SSX2IP: variants seen among roughly 807,000 people sequenced by gnomAD.
The protein encoded by SSX2IP is SSX family member 2 interacting protein, also known as afadin- and alpha-actinin-binding protein.
A neutral mutation model predicts 84.9 loss-of-function variants in SSX2IP; 55 were observed. The observed-to-expected ratio is 0.65, with a 90% CI of 0.52 to 0.81. SSX2IP has a LOEUF of 0.81. Among genes scored for constraint, SSX2IP ranks in the 30% least tolerant of loss-of-function variants. The probability of loss-of-function intolerance (pLI) is 0.00; values close to 1 mark genes in which losing one functional copy is unlikely to be tolerated. For synonymous variants in SSX2IP, 239 were observed against 234.7 expected (o/e 1.02, Z -0.17); for missense variants, 664 against 705.2 (o/e 0.94, Z 0.66).
In SSX2IP at chr1:84,670,713, A is replaced by C. The variant is rs559787559; in HGVS notation, c.146T>G (p.Val49Gly). The change falls in exon 3 of 14, where the codon GTG becomes GGG. Residue 49 changes from valine (V) to glycine (G), a missense_variant. Physicochemically the swap from Val to Gly is moderately radical, Grantham distance 109. Transcript: ENST00000342203. ...GCAGAAGGCACTGAAAAAACTGTGC[A>C]CATTTTTCGATAAAGGTATTGAAGA... ...LCSSIPLSKN[V>G]HSFFSAFCTE... The C allele has an allele frequency of 1.2e-6, 2 of 1,613,118 alleles. No individual in the cohort carries two copies. Among genetic ancestry groups the C allele is most frequent in the African/African-American group, 1.3e-5 (1 of 74,910 alleles).
At chr1:84,664,652 G>C (rs1652508990) in intron 5 of SSX2IP, 100 bp from the exon 6 acceptor site, 1 of 1,025,364 alleles carries the variant, frequency 9.8e-7, no homozygotes, top group African/African-American at 1.7e-5. Flanking sequence ...TAAAATCCTA[G>C]GATGATTCTT....
At chr1:84,673,085 C>T (rs575331082) in intron 1 of SSX2IP, among the ~76,000 whole-genome samples, 3 of 152,248 alleles carry the variant, frequency 2.0e-5, no homozygotes, top group East Asian at 1.9e-4. Flanking sequence ...TGTGCTACTA[C>T]GTTTTCCTAG....
intron 11 of SSX2IP, among the ~76,000 whole-genome samples, chr1:84,653,383 C>T (rs1001113821): frequency 1.3e-5 from 2 of 152,136 alleles, no homozygotes; most frequent in Admixed American, 1.3e-4. Flanking sequence ...TATGTCAAAC[C>T]TCCCCCTTCT....
chr1:84,668,582 T>C (rs1653081308), intron 4 of SSX2IP, among the ~76,000 whole-genome samples: 1 of 152,178 alleles, frequency 6.6e-6, no homozygotes, highest in African/African-American at 2.4e-5. Context: ...CAGGTGCTCG[T>C]AAAGAGCAAA....
chr1:84,675,840 C>CA (rs143675599), intron 1 of SSX2IP, among the ~76,000 whole-genome samples: 2,236 of 152,284 alleles, frequency 0.015, 43 homozygotes, highest in African/African-American at 0.049. Flanking sequence ...TGCAACCTTT[C>CA]AACTCATCTA....
rs1651608068 is a variant in SSX2IP at position 84,659,524 on chromosome 1, G to A, written c.928-1056C>T. On this transcript the variant is annotated intron_variant, in intron 8 of 13. Transcript: ENST00000342203. ...GTTAGAAAAATTATTGGCCGGGCGCGGTGGCTCATGCCTGTATGTAATCCC... is the reference window on the plus strand; with the variant it reads ...GTTAGAAAAATTATTGGCCGGGCGCAGTGGCTCATGCCTGTATGTAATCCC... Among the ~76,000 whole-genome samples, 5 of 152,172 alleles carry A rather than the reference G, an allele frequency of 3.3e-5. No homozygotes were observed. In the South Asian group the frequency reaches 8.3e-4, roughly 25 times the overall value.
intron 8 of SSX2IP, among the ~76,000 whole-genome samples, chr1:84,661,706 T>C (rs758245270): frequency 9.9e-5 from 15 of 152,160 alleles, no homozygotes; most frequent in Non-Finnish European, 2.1e-4. Context: ...CTGTGAAAAG[T>C]AGAGTACATA....
chr1:84,657,451 A>G (rs757762101), intron 9 of SSX2IP, among the ~76,000 whole-genome samples: 6 of 152,214 alleles, frequency 3.9e-5, no homozygotes, highest in African/African-American at 4.8e-5. Flanking sequence ...CTATTATTTT[A>G]AAAATAATTT....
chr1:84,650,614 G>C, intron 12 of SSX2IP, 87 bp from the exon 13 acceptor site: 1 of 1,396,572 alleles, frequency 7.2e-7, no homozygotes, highest in South Asian at 1.2e-5. Context: ...TGATTCATCT[G>C]CGGTTCTGAG....
chr1:84,652,046 C>G (rs192137559), intron 11 of SSX2IP, 49 bp from the exon 12 acceptor site: 32 of 1,369,816 alleles, frequency 2.3e-5, no homozygotes, highest in Admixed American at 6.8e-5. Flanking sequence ...AACATCCACA[C>G]AGTTGCCATT....
At chr1:84,649,161 G>C (rs1029063506) in intron 13 of SSX2IP, among the ~76,000 whole-genome samples, 2 of 152,188 alleles carry the variant, frequency 1.3e-5, no homozygotes, top group Non-Finnish European at 2.9e-5. Flanking sequence ...AGAGCAAGCA[G>C]AGTGGGATTA....
At chr1:84,667,036 A>C (rs921219928) in intron 4 of SSX2IP, among the ~76,000 whole-genome samples, 1 of 152,172 alleles carries the variant, frequency 6.6e-6, no homozygotes, top group African/African-American at 2.4e-5. Flanking sequence ...GATAACTCTA[A>C]GGTTGTCAGT....
chr1:84,671,716 G>C (rs1488004182), intron 1 of SSX2IP, among the ~76,000 whole-genome samples: 1 of 151,968 alleles, frequency 6.6e-6, no homozygotes, highest in Non-Finnish European at 1.5e-5. Flanking sequence ...AACTATATTG[G>C]CAAAACTTGT....
At position 84,643,999 on chromosome 1, in the gene SSX2IP, A is replaced by G. The variant is rs1649205347; in HGVS notation, c.*3434T>C. ...AAACACTGTATTTAGAAAAAGGATT[A>G]GAGTGAGCAATTTCATTATCCTTAT... On this transcript the variant is annotated 3_prime_UTR_variant, in exon 14 of 14. Coordinates refer to ENST00000342203, the MANE Select transcript of SSX2IP (RefSeq NM_001166293.2). The G allele has an allele frequency of 6.6e-6, 1 of 152,234 alleles. No individual in the cohort carries two copies. The highest frequency in any genetic ancestry group is 2.1e-4 in the South Asian group (1 of 4,834). The allele number at this position is 152,234 out of a possible 1,614,324, so 9.4% of individuals were successfully genotyped here.
chr1:84,648,200 C>G (rs141827556), intron 13 of SSX2IP, among the ~76,000 whole-genome samples: 29 of 152,134 alleles, frequency 1.9e-4, no homozygotes, highest in Non-Finnish European at 3.5e-4. Flanking sequence ...GCTTCAGGAG[C>G]AAGAGAACCA....
chr1:84,677,009 C>T (rs1219026304), intron 1 of SSX2IP, among the ~76,000 whole-genome samples: 76 of 151,892 alleles, frequency 5.0e-4, no homozygotes, highest in Non-Finnish European at 8.8e-5. Context: ...GCCACCATGC[C>T]CAGTCAACTC....
chr1:84,654,061 G>A (rs1250331413), intron 11 of SSX2IP, among the ~76,000 whole-genome samples: 1 of 151,964 alleles, frequency 6.6e-6, no homozygotes, highest in Non-Finnish European at 1.5e-5. Flanking sequence ...CCAGAATTGA[G>A]AACAAAAGTC....
intron 1 of SSX2IP, among the ~76,000 whole-genome samples, chr1:84,676,719 C>CTTT (rs61017474): frequency 0.071 from 7,090 of 99,302 alleles, 603 homozygotes; most frequent in Middle Eastern, 0.12. Flanking sequence ...TGCTCTTTTC[C>CTTT]TTTTTTTTTT....
chr1:84,660,541 A>T (rs911363899), intron 8 of SSX2IP, among the ~76,000 whole-genome samples: 5 of 152,192 alleles, frequency 3.3e-5, no homozygotes. Flanking sequence ...AAAATGGAGA[A>T]TGTAAAAGAT....
Sources: gnomAD v4.1 joint callset for allele counts (sites outside exome capture counted in the v4.1 genomes callset) on GRCh38, gnomAD v4.1.1 for gene constraint, MANE v1.5 for transcripts, NCBI Gene and HGNC (gene_info 2026-07-23, HGNC 2026-07-21) for gene names.